Variants in STAP1 observed in about 807,000 individuals in gnomAD.
The protein encoded by STAP1 is signal transducing adaptor family member 1, also known as signal-transducing adaptor protein 1.
In STAP1, 30 loss-of-function variants were observed where a neutral mutation model predicts 37.8. That is an observed-to-expected ratio of 0.79 (90% confidence interval 0.59 to 1.08). The LOEUF is 1.08. STAP1 is among the 50% of genes least tolerant of loss of function. The pLI is 0.00. For synonymous variants in STAP1, 130 were observed against 116.0 expected (o/e 1.12, Z -0.78); for missense variants, 357 against 349.4 (o/e 1.02, Z -0.17).
intron 1 of STAP1, among the ~76,000 whole-genome samples, chr4:67,565,503 T>G (rs1727445479): frequency 6.6e-6 from 1 of 152,224 alleles, no homozygotes; most frequent in Non-Finnish European, 1.5e-5. Flanking sequence ...GAAGAAGTAT[T>G]ATGTGGCTAA....
chr4:67,602,516 A>G (rs1026938953), intron 8 of STAP1, among the ~76,000 whole-genome samples: 3 of 152,162 alleles, frequency 2.0e-5, no homozygotes, highest in Non-Finnish European at 4.4e-5. Flanking sequence ...AAAAGAATTG[A>G]GTATTCTGAT....
At chr4:67,578,234 G>A (rs937848542) in intron 4 of STAP1, among the ~76,000 whole-genome samples, 3 of 152,098 alleles carry the variant, frequency 2.0e-5, no homozygotes, top group Non-Finnish European at 4.4e-5. Flanking sequence ...GAAACATGAC[G>A]TTCTTTGATA....
chr4:67,585,608 A>G (rs1727963247), intron 6 of STAP1, among the ~76,000 whole-genome samples: 1 of 152,218 alleles, frequency 6.6e-6, no homozygotes, highest in South Asian at 2.1e-4. Flanking sequence ...TTGTGGTTTC[A>G]TTATTTTTTG....
chr4:67,605,270 T>G (rs981699786), intron 8 of STAP1, among the ~76,000 whole-genome samples: 1 of 151,822 alleles, frequency 6.6e-6, no homozygotes, highest in Non-Finnish European at 1.5e-5. Context: ...TTTCTCTGGC[T>G]GGAAGGCTAA....
chr4:67,591,685 C>G (rs17556924), intron 7 of STAP1, among the ~76,000 whole-genome samples: 55,484 of 151,982 alleles, frequency 0.37, 10,638 homozygotes, highest in Non-Finnish European at 0.42. Flanking sequence ...TTATATTTAC[C>G]TAGTTCCTCT....
At chr4:67,583,879 A>T (rs1727922647) in intron 6 of STAP1, among the ~76,000 whole-genome samples, 177 bp downstream of exon 6, 1 of 152,084 alleles carries the variant, frequency 6.6e-6, no homozygotes, top group South Asian at 2.1e-4. Flanking sequence ...CAGACGGATC[A>T]CAAGGTCAGG....
At chr4:67,591,053 G>T in intron 7 of STAP1, 100 bp downstream of exon 7, 1 of 698,952 alleles carries the variant, frequency 1.4e-6, no homozygotes, top group East Asian at 2.9e-5. Flanking sequence ...CCCTGAATGT[G>T]GCAGATATAC....
Position 67,558,916 on chromosome 4 carries a change from G to A in STAP1, c.107G>A (p.Arg36Gln), listed in dbSNP as rs377699717. 26 of 1,612,126 alleles carry A rather than the reference G, an allele frequency of 1.6e-5. No homozygotes were observed. Among genetic ancestry groups the A allele is most frequent in the African/African-American group, 5.3e-5 (4 of 74,782 alleles). The part of the protein sequence containing the change: ...LYFEGFLLIK[R>Q]SGYREYEHYW... ...TTTGAAGGTTTTTTATTAATCAAGCGGTCAGGATACCGGGTGAGTCTATAG... is the reference window on the plus strand; with the variant it reads ...TTTGAAGGTTTTTTATTAATCAAGCAGTCAGGATACCGGGTGAGTCTATAG... Residue 36 changes from arginine to glutamine, a missense_variant, in exon 1 of 9, where the codon CGG becomes CAG. By Grantham distance (43) the Arg-to-Gln change is conservative. Coordinates refer to ENST00000265404, the MANE Select transcript of STAP1 (RefSeq NM_012108.4).
intron 7 of STAP1, among the ~76,000 whole-genome samples, chr4:67,592,255 A>G (rs1395076385): frequency 6.6e-6 from 1 of 152,118 alleles, no homozygotes; most frequent in Non-Finnish European, 1.5e-5. Context: ...CAGCCTCCCG[A>G]GTAGCGGGAA....
At chr4:67,582,312 G>GTTTTTTTTTTT (rs55915212) in intron 5 of STAP1, among the ~76,000 whole-genome samples, 1 of 147,456 alleles carries the variant, frequency 6.8e-6, no homozygotes. Context: ...TTTTTTTTTT[G>GTTTTTTTTTTT]TTTTTTTTGT....
Position 67,606,330 on chromosome 4 carries a change from G to C in STAP1, c.861G>C (p.Lys287Asn), listed in dbSNP as rs748733607. 5 of 1,611,712 alleles carry C rather than the reference G, an allele frequency of 3.1e-6. No individual in the cohort carries two copies. The Admixed American group carries it at 5.0e-5, about 16-fold the overall frequency. Residue 287 changes from lysine to asparagine, a missense_variant, in exon 9 of 9, where the codon AAG (lysine) becomes AAC (asparagine). Lys to Asn is a moderately conservative substitution (Grantham distance 94). Coordinates refer to ENST00000265404, the MANE Select transcript of STAP1 (RefSeq NM_012108.4). ...CCAGTATGGAAGGGAGAAGTGAAAA[G>C]TTGAAGAAAAATCCACACATTGCAT... ...QEPSMEGRSE[K>N]LKKNPHIA
chr4:67,559,696 TAA>T (rs1359007403), intron 1 of STAP1, among the ~76,000 whole-genome samples: 3 of 152,156 alleles, frequency 2.0e-5, no homozygotes, highest in South Asian at 4.2e-4. Flanking sequence ...AAAAAATCAT[TAA>T]GTTAGGTCAA....
At chr4:67,571,230 T>C in intron 2 of STAP1, 75 bp downstream of exon 2, 1 of 1,040,106 alleles carries the variant, frequency 9.6e-7, no homozygotes, top group Non-Finnish European at 1.4e-6. Context: ...TCATTTTGGA[T>C]TTTCTGCCAT....
intron 2 of STAP1, among the ~76,000 whole-genome samples, chr4:67,572,002 T>C (rs896701245): frequency 4.6e-5 from 7 of 152,240 alleles, no homozygotes; most frequent in Admixed American, 1.3e-4. Flanking sequence ...TATTCTAACC[T>C]TTTCTATTGC....
At chr4:67,582,587 T>A (rs918875396) in intron 5 of STAP1, among the ~76,000 whole-genome samples, 1 of 151,880 alleles carries the variant, frequency 6.6e-6, no homozygotes, top group Non-Finnish European at 1.5e-5. Flanking sequence ...GGATTACAGG[T>A]GTGAGCCACC....
chr4:67,574,198 T>C (rs1425014721), intron 2 of STAP1, among the ~76,000 whole-genome samples: 1 of 152,124 alleles, frequency 6.6e-6, no homozygotes, highest in Non-Finnish European at 1.5e-5. Context: ...TAGTCTTTAT[T>C]GTAATGTCCA....
At chr4:67,600,681 A>C (rs1728319180) in intron 8 of STAP1, among the ~76,000 whole-genome samples, 1 of 152,112 alleles carries the variant, frequency 6.6e-6, no homozygotes, top group African/African-American at 2.4e-5. Context: ...TTGGGTGCAT[A>C]TATATTATAT....
intron 3 of STAP1, among the ~76,000 whole-genome samples, chr4:67,576,468 A>C (rs904302492): frequency 6.6e-6 from 1 of 152,240 alleles, no homozygotes; most frequent in Admixed American, 6.5e-5. Flanking sequence ...TAAAACAATC[A>C]AACAAGCAAA....
Position 67,593,479 on chromosome 4 carries a change from A to G in STAP1, c.826+123A>G, listed in dbSNP as rs188027661. The G allele has an allele frequency of 5.0e-4, 334 of 672,288 alleles. 3 individuals carry two copies. In the African/African-American group the frequency reaches 5.3e-3, roughly 11 times the overall value. The allele number at this position is 672,288 out of a possible 1,614,324, so 41.6% of individuals were successfully genotyped here. On this transcript the variant is annotated intron_variant, in intron 8 of 8. Transcript: ENST00000265404. ...GAACTGTAGTTCAGTCTTTAAATTT[A>G]TCCATTTGGAAATCATTTTGTCACT...
Sources: gnomAD v4.1 joint callset for allele counts (sites outside exome capture counted in the v4.1 genomes callset) on GRCh38, gnomAD v4.1.1 for gene constraint, MANE v1.5 for transcripts, NCBI Gene and HGNC (gene_info 2026-07-23, HGNC 2026-07-21) for gene names.